The following RCOR3 variants were observed in gnomAD, a reference collection of about 807,000 sequenced individuals.
RCOR3 encodes REST corepressor 3.
In RCOR3, 13 loss-of-function variants were observed where a neutral mutation model predicts 64.1. That is an observed-to-expected ratio of 0.20 (90% confidence interval 0.13 to 0.32). The LOEUF is 0.32. Ranked by LOEUF, RCOR3 falls within the 10% of genes least tolerant of loss-of-function variation. The pLI, the probability that RCOR3 is intolerant of heterozygous loss-of-function variation, is 1.00. For missense variants in RCOR3, 489 were observed against 701.2 expected (o/e 0.70, Z 3.42); for synonymous variants, 215 against 239.0 (o/e 0.90, Z 0.93).
At chr1:211,264,677 T>C (rs148076508) in intron 2 of RCOR3, among the ~76,000 whole-genome samples, 38 of 152,196 alleles carry the variant, frequency 2.5e-4, no homozygotes, top group African/African-American at 8.2e-4. Flanking sequence ...AAATAAGACT[T>C]GGTCTCAAAA....
chr1:211,311,263 A>G (rs1173403080), intron 10 of RCOR3, among the ~76,000 whole-genome samples: 2 of 152,104 alleles, frequency 1.3e-5, no homozygotes, highest in African/African-American at 2.4e-5. Flanking sequence ...ATTATAAACG[A>G]TGTCTATCAT....
chr1:211,297,964 A>G (rs1700006859), intron 9 of RCOR3, among the ~76,000 whole-genome samples: 1 of 152,222 alleles, frequency 6.6e-6, no homozygotes. Flanking sequence ...CTGTTAGTAA[A>G]GTGCTTTACT....
Position 211,267,133 on chromosome 1 carries a change from C to T in RCOR3, c.224-4099C>T, listed in dbSNP as rs1695347349. ...ATGCTTACCATATGCCACGTACTTA[C>T]ATTAATTCATTTAATTTTTGAGCAA... On this transcript the variant is annotated intron_variant, in intron 2 of 11. Transcript: ENST00000419091. Among the ~76,000 whole-genome samples the T allele has an allele frequency of 2.0e-5, 3 of 152,194 alleles. No individual in the cohort carries two copies. The South Asian group carries it at 6.2e-4, about 31-fold the overall frequency.
chr1:211,261,588 G>A (rs1214526359), intron 2 of RCOR3, among the ~76,000 whole-genome samples: 1 of 152,128 alleles, frequency 6.6e-6, no homozygotes, highest in Non-Finnish European at 1.5e-5. Context: ...CTCCCTTTGG[G>A]TTTACTTGAC....
In RCOR3 at chr1:211,271,208, A is replaced by T. The variant is rs1392832177; in HGVS notation, c.224-24A>T. On this transcript the variant is annotated intron_variant, in intron 2 of 11. Transcript: ENST00000419091. ...AGTGTAAATAAAATCCATCATATTCAAAGTAATTATCTTTTTCCCCCAGGT... is the reference window on the plus strand; with the variant it reads ...AGTGTAAATAAAATCCATCATATTCTAAGTAATTATCTTTTTCCCCCAGGT... 3 of 1,595,452 alleles carry T rather than the reference A, an allele frequency of 1.9e-6. No individual in the cohort carries two copies. In the African/African-American group the frequency reaches 4.0e-5, roughly 21 times the overall value.
chr1:211,308,698 T>TTTTTGTG (rs1701171863), intron 10 of RCOR3, among the ~76,000 whole-genome samples: 3 of 40,846 alleles, frequency 7.3e-5, no homozygotes, highest in African/African-American at 2.1e-4. Flanking sequence ...TTTTTTTTTT[T>TTTTTGTG]TGTGTAGTCC....
chr1:211,266,459 C>T (rs1206701102), intron 2 of RCOR3, among the ~76,000 whole-genome samples: 2 of 152,130 alleles, frequency 1.3e-5, no homozygotes, highest in Non-Finnish European at 2.9e-5. Flanking sequence ...AAGGGATTAA[C>T]CTTTAAATGT....
intron 2 of RCOR3, among the ~76,000 whole-genome samples, chr1:211,263,809 T>C (rs1694757262): frequency 2.6e-5 from 1 of 38,102 alleles, no homozygotes; most frequent in Non-Finnish European, 5.7e-5. Flanking sequence ...ATGAAAAGTT[T>C]TTTTTGTTTT....
intron 7 of RCOR3, among the ~76,000 whole-genome samples, chr1:211,283,704 G>C (rs1317715984): frequency 2.6e-5 from 4 of 151,990 alleles, no homozygotes; most frequent in Admixed American, 6.6e-5. Flanking sequence ...GTGTGCAGTT[G>C]TGTGATCATA....
intron 1 of RCOR3, 117 bp downstream of exon 1, chr1:211,259,843 G>C (rs986654286): frequency 1.8e-6 from 2 of 1,128,532 alleles, no homozygotes; most frequent in Non-Finnish European, 2.4e-6. Context: ...TGGGCGCTGC[G>C]GTAGCCTCGA....
chr1:211,309,563 C>T (rs12116749), intron 10 of RCOR3, among the ~76,000 whole-genome samples: 1 of 152,022 alleles, frequency 6.6e-6, no homozygotes, highest in African/African-American at 2.4e-5. Context: ...GGGAAACTTA[C>T]TATTTGCCTG....
At chr1:211,260,188 AT>A (rs1472992944) in intron 2 of RCOR3, 24 bp downstream of exon 2, 1 of 1,606,014 alleles carries the variant, frequency 6.2e-7, no homozygotes, top group African/African-American at 1.3e-5. Flanking sequence ...CTTAAGCAAA[AT>A]CTCATATCCC....
Position 211,293,062 on chromosome 1 carries a change from C to T in RCOR3, c.940-2614C>T, listed in dbSNP as rs568893316. Among the ~76,000 whole-genome samples, 5 of 144,194 alleles carry T rather than the reference C, an allele frequency of 3.5e-5. No homozygotes were observed. In the East Asian group the frequency reaches 1.0e-3, roughly 29 times the overall value. The allele number at this position is 144,194 out of a possible 152,430, so 94.6% of individuals were successfully genotyped here. On this transcript the variant is annotated intron_variant, in intron 8 of 11. Coordinates refer to ENST00000419091, the MANE Select transcript of RCOR3 (RefSeq NM_001136223.3). ...TCGCGCCACTGCACTCTAGCCTGGG[C>T]GACAGAGTGAGACTCTGTCTCCAAA...
At chr1:211,285,032 T>G (rs936604329) in intron 7 of RCOR3, among the ~76,000 whole-genome samples, 1 of 152,208 alleles carries the variant, frequency 6.6e-6, no homozygotes. Context: ...TATTTGGTGG[T>G]TCTTCTTAAG....
chr1:211,306,367 TAA>T (rs957078295), intron 10 of RCOR3, among the ~76,000 whole-genome samples: 1 of 149,674 alleles, frequency 6.7e-6, no homozygotes, highest in African/African-American at 2.5e-5. Context: ...TTTCTTTTTT[TAA>T]AAAAAAAAGT....
chr1:211,296,623 G>C (rs1432212881), intron 9 of RCOR3, among the ~76,000 whole-genome samples: 1 of 152,072 alleles, frequency 6.6e-6, no homozygotes, highest in Non-Finnish European at 1.5e-5. Flanking sequence ...AGTCATCAGT[G>C]TCTTTCAGAA....
intron 2 of RCOR3, among the ~76,000 whole-genome samples, chr1:211,262,613 A>G (rs897982183): frequency 3.9e-5 from 6 of 152,158 alleles, no homozygotes; most frequent in East Asian, 1.9e-4. Context: ...ATAGACAACT[A>G]TATACAGTTC....
intron 9 of RCOR3, chr1:211,302,194 C>G (rs1700447533): frequency 1.3e-5 from 2 of 152,214 alleles, no homozygotes; most frequent in South Asian, 4.1e-4. Context: ...CTGTCCCATT[C>G]ACTACATCAT....
chr1:211,279,363 TG>T (rs1314919041), intron 7 of RCOR3, 47 bp downstream of exon 7: 4 of 1,373,234 alleles, frequency 2.9e-6, no homozygotes, highest in East Asian at 2.3e-5. Context: ...ACAAATCTGC[TG>T]AAAAAGAATG....
Sources: gnomAD v4.1 joint callset for allele counts (sites outside exome capture counted in the v4.1 genomes callset) on GRCh38, gnomAD v4.1.1 for gene constraint, MANE v1.5 for transcripts, NCBI Gene and HGNC (gene_info 2026-07-23, HGNC 2026-07-21) for gene names.